Variants in KDM4C observed in about 807,000 individuals in gnomAD.
KDM4C encodes the protein lysine demethylase 4C.
KDM4C carries 81 observed loss-of-function variants against 129.3 expected under a neutral mutation model. The ratio of observed to expected loss-of-function variants is 0.63; its 90% CI spans 0.52 to 0.75. KDM4C has a LOEUF of 0.75. KDM4C is among the 30% of genes least tolerant of loss of function. The pLI, the probability that KDM4C is intolerant of heterozygous loss-of-function variation, is 0.00. For synonymous variants in KDM4C, 573 were observed against 456.1 expected (o/e 1.26, Z -3.26); for missense variants, 1,457 against 1,304.0 (o/e 1.12, Z -1.81).
At chr9:6,728,307 G>A (rs1406704544) in intron 1 of KDM4C, among the ~76,000 whole-genome samples, 4 of 152,096 alleles carry the variant, frequency 2.6e-5, no homozygotes, top group Admixed American at 1.3e-4. Flanking sequence ...AGGCCAAGGC[G>A]GGTGGATCAC....
chr9:6,732,382 AAAAAAAAAAAAAAAAAAAAGAAT>A (rs1381897533), intron 1 of KDM4C, among the ~76,000 whole-genome samples: 2 of 141,134 alleles, frequency 1.4e-5, no homozygotes, highest in East Asian at 4.1e-4. Context: ...AAAAAAAAAA[AAAAAAAAAAAAAAAAAAAAGAAT>A]GAGGCCGGAA....
intron 8 of KDM4C, among the ~76,000 whole-genome samples, chr9:6,931,727 C>T (rs963011028): frequency 6.6e-6 from 1 of 152,182 alleles, no homozygotes; most frequent in Admixed American, 6.5e-5. Context: ...TCTTGAACTG[C>T]TGGACTCAAG....
rs1416401140 is a variant in KDM4C at position 6,867,015 on chromosome 9, ATATTTTT to A, written c.630-12995_630-12989del. Among the ~76,000 whole-genome samples, 19 of 114,254 alleles carry A rather than the reference ATATTTTT, an allele frequency of 1.7e-4. 1 individual carries two copies. The South Asian group carries it at 3.0e-3, about 18-fold the overall frequency. 75.0% of individuals were successfully genotyped at this position (114,254 alleles called of 152,430 possible). A position where few individuals can be genotyped will look rare whatever the true frequency, so the allele number is the denominator to read the frequency against. ...TGTGTGTGTGTATATATATATATATATATTTTTTTTTTTTTTTGGAAGATGGAATCTT... is the reference window on the plus strand; with the variant it reads ...TGTGTGTGTGTATATATATATATATATTTTTTTTTTGGAAGATGGAATCTT... On this transcript the variant is annotated intron_variant, in intron 5 of 21. Coordinates refer to ENST00000381309, the MANE Select transcript of KDM4C (RefSeq NM_015061.6).
intron 1 of KDM4C, among the ~76,000 whole-genome samples, chr9:6,790,150 C>G (rs914294599): frequency 1.3e-5 from 2 of 148,228 alleles, no homozygotes; most frequent in East Asian, 2.2e-4. Context: ...GTGATCCGCT[C>G]GCCTTGGCCT....
At chr9:6,853,332 AAAT>A (rs1839191403) in intron 5 of KDM4C, among the ~76,000 whole-genome samples, 1 of 152,070 alleles carries the variant, frequency 6.6e-6, no homozygotes, top group Non-Finnish European at 1.5e-5. Flanking sequence ...CAAAAAAAAA[AAAT>A]AAGAAAATTA....
At chr9:7,154,182 A>G (rs1349715843) in intron 19 of KDM4C, among the ~76,000 whole-genome samples, 1 of 152,238 alleles carries the variant, frequency 6.6e-6, no homozygotes. Context: ...GCAGCCGAAC[A>G]GATGACAGAT....
chr9:7,086,463 G>A (rs565541178), intron 17 of KDM4C, among the ~76,000 whole-genome samples: 1 of 152,176 alleles, frequency 6.6e-6, no homozygotes, highest in Non-Finnish European at 1.5e-5. Context: ...GAAAGGTGAG[G>A]CTTGTGAGAA....
chr9:6,908,914 C>G (rs1326985896), intron 8 of KDM4C, among the ~76,000 whole-genome samples: 3 of 152,132 alleles, frequency 2.0e-5, no homozygotes, highest in African/African-American at 7.2e-5. Flanking sequence ...GTGACTGACA[C>G]ATGGCATGTA....
intron 2 of KDM4C, among the ~76,000 whole-genome samples, chr9:6,801,079 A>G (rs1235761938): frequency 6.6e-6 from 1 of 152,040 alleles, no homozygotes; most frequent in Non-Finnish European, 1.5e-5. Context: ...GCTGTATAGC[A>G]CTGGCCAAGT....
At chr9:6,850,178 A>G (rs538363055) in intron 5 of KDM4C, among the ~76,000 whole-genome samples, 1 of 152,322 alleles carries the variant, frequency 6.6e-6, no homozygotes, top group African/African-American at 2.4e-5. Flanking sequence ...TGTTCACACA[A>G]TGGCGAAATT....
At chr9:7,080,261 T>C (rs765666667) in intron 17 of KDM4C, among the ~76,000 whole-genome samples, 1 of 152,160 alleles carries the variant, frequency 6.6e-6, no homozygotes, top group Non-Finnish European at 1.5e-5. Flanking sequence ...TTCTCCTCCT[T>C]ACTGTTTTCT....
intron 12 of KDM4C, among the ~76,000 whole-genome samples, chr9:6,996,598 A>G (rs191701908): frequency 6.6e-6 from 1 of 152,338 alleles, no homozygotes; most frequent in Admixed American, 6.5e-5. Context: ...ATTGTAAACT[A>G]AGGACAAGCC....
chr9:6,937,977 G>T (rs1026803483), intron 8 of KDM4C, among the ~76,000 whole-genome samples: 1 of 152,174 alleles, frequency 6.6e-6, no homozygotes, highest in Non-Finnish European at 1.5e-5. Flanking sequence ...CTCCCAAAGT[G>T]CTGGGATTAC....
chr9:7,125,407 C>T (rs1045958222), intron 18 of KDM4C, among the ~76,000 whole-genome samples: 2 of 152,200 alleles, frequency 1.3e-5, no homozygotes, highest in Non-Finnish European at 2.9e-5. Context: ...CCTGTGTAGG[C>T]CTGTTCCAGG....
chr9:6,789,246 G>C (rs565882841), intron 1 of KDM4C, among the ~76,000 whole-genome samples: 1 of 134,324 alleles, frequency 7.4e-6, no homozygotes, highest in East Asian at 2.2e-4. Flanking sequence ...TTGAGATGGC[G>C]TTTTGCTCTT....
chr9:6,799,828 C>T (rs1828588025), intron 2 of KDM4C, among the ~76,000 whole-genome samples: 1 of 151,894 alleles, frequency 6.6e-6, no homozygotes, highest in Non-Finnish European at 1.5e-5. Flanking sequence ...TAGTGCCCCT[C>T]CCCTTTCAAT....
At chr9:7,004,207 G>T (rs73639492) in intron 12 of KDM4C, among the ~76,000 whole-genome samples, 1 of 152,162 alleles carries the variant, frequency 6.6e-6, no homozygotes, top group African/African-American at 2.4e-5. Context: ...ATTTTCCTTA[G>T]GGACGTCACT....
At chr9:6,739,951 G>T (rs1016640488) in intron 1 of KDM4C, among the ~76,000 whole-genome samples, 2 of 152,140 alleles carry the variant, frequency 1.3e-5, no homozygotes, top group African/African-American at 4.8e-5. Context: ...GTGCAGTGGT[G>T]TGATCTTGGC....
At chr9:7,030,935 G>A (rs1826618275) in intron 15 of KDM4C, among the ~76,000 whole-genome samples, 1 of 152,058 alleles carries the variant, frequency 6.6e-6, no homozygotes, top group South Asian at 2.1e-4. Context: ...AGGTAATTAT[G>A]CACATTTATT....
Sources: allele counts gnomAD v4.1 joint callset (sites outside exome capture counted in the v4.1 genomes callset), GRCh38; gene constraint gnomAD v4.1.1; transcripts MANE v1.5; gene names NCBI Gene and HGNC (gene_info 2026-07-23, HGNC 2026-07-21).